Variants in MYO5B observed in about 807,000 individuals in gnomAD.
MYO5B encodes the protein unconventional myosin-Vb.
Under a neutral mutation model 229.3 loss-of-function variants are expected in MYO5B, and 143 were observed. The ratio of observed to expected loss-of-function variants is 0.62; its 90% CI spans 0.54 to 0.72. The LOEUF is 0.72. Among genes scored for constraint, MYO5B ranks in the 30% least tolerant of loss-of-function variants. The probability of loss-of-function intolerance (pLI) is 0.00; values close to 1 mark genes in which losing one functional copy is unlikely to be tolerated. For synonymous variants in MYO5B, 918 were observed against 885.2 expected (o/e 1.04, Z -0.66); for missense variants, 2,321 against 2,331.0 (o/e 1.00, Z 0.09).
At chr18:49,939,625 C>T (rs1195988368) in intron 14 of MYO5B, among the ~76,000 whole-genome samples, 2 of 152,190 alleles carry the variant, frequency 1.3e-5, no homozygotes, top group Non-Finnish European at 2.9e-5. Context: ...CCTGCTCCAA[C>T]CTCTGTTCCC....
intron 16 of MYO5B, among the ~76,000 whole-genome samples, chr18:49,931,544 C>A (rs72928097): frequency 9.8e-4 from 149 of 152,308 alleles, no homozygotes; most frequent in African/African-American, 3.5e-3. Context: ...CCCCTTAGTG[C>A]GAGGGCCTTA....
At chr18:49,877,230 G>T (rs1227720680) in intron 25 of MYO5B, among the ~76,000 whole-genome samples, 1 of 152,170 alleles carries the variant, frequency 6.6e-6, no homozygotes, top group Non-Finnish European at 1.5e-5. Flanking sequence ...AGACCACACA[G>T]TCCACTGTGT....
At chr18:50,093,056 A>T (rs2031480263) in intron 1 of MYO5B, among the ~76,000 whole-genome samples, 1 of 152,154 alleles carries the variant, frequency 6.6e-6, no homozygotes, top group Non-Finnish European at 1.5e-5. Flanking sequence ...AGAAACTATG[A>T]ACAATTTGTA....
chr18:50,047,886 C>T (rs1183829497), intron 2 of MYO5B, among the ~76,000 whole-genome samples: 1 of 131,996 alleles, frequency 7.6e-6, no homozygotes, highest in Non-Finnish European at 1.5e-5. Flanking sequence ...AGGAATTGAA[C>T]AATGAGAACA....
chr18:50,157,059 T>C (rs2032689937), intron 1 of MYO5B, among the ~76,000 whole-genome samples: 1 of 151,768 alleles, frequency 6.6e-6, no homozygotes, highest in African/African-American at 2.4e-5. Context: ...CTCCCCTCTT[T>C]GAAATCAACA....
chr18:50,088,991 T>C (rs1489414197), intron 1 of MYO5B, among the ~76,000 whole-genome samples: 1 of 105,318 alleles, frequency 9.5e-6, no homozygotes, highest in Non-Finnish European at 2.6e-5. Context: ...AAAATGCTCA[T>C]TTTTCCTGGT....
intron 21 of MYO5B, among the ~76,000 whole-genome samples, chr18:49,902,093 C>T (rs771481142): frequency 1.2e-4 from 18 of 152,228 alleles, no homozygotes; most frequent in Non-Finnish European, 2.2e-4. Context: ...CTCAAGATAG[C>T]ATAAATCATT....
intron 1 of MYO5B, among the ~76,000 whole-genome samples, chr18:50,128,981 G>A (rs536499084): frequency 2.6e-5 from 4 of 152,114 alleles, no homozygotes; most frequent in Admixed American, 6.6e-5. Context: ...ACACACCCAG[G>A]GCCTAATTAA....
intron 2 of MYO5B, among the ~76,000 whole-genome samples, chr18:50,047,004 A>C (rs2030247676): frequency 6.6e-6 from 1 of 152,188 alleles, no homozygotes; most frequent in Non-Finnish European, 1.5e-5. Flanking sequence ...AAACCTAGGC[A>C]ATACCATTCA....
At chr18:50,073,268 T>C (rs2031001108) in intron 1 of MYO5B, among the ~76,000 whole-genome samples, 1 of 152,058 alleles carries the variant, frequency 6.6e-6, no homozygotes, top group Admixed American at 6.6e-5. Context: ...TACCAGCAAA[T>C]AATTTATATC....
chr18:49,953,822 T>A (rs979895189), intron 13 of MYO5B, among the ~76,000 whole-genome samples: 1 of 152,142 alleles, frequency 6.6e-6, no homozygotes, highest in African/African-American at 2.4e-5. Context: ...GTACTTTGTT[T>A]ACAGCCCTCC....
intron 4 of MYO5B, among the ~76,000 whole-genome samples, chr18:50,004,818 C>T (rs962419047): frequency 6.6e-6 from 1 of 152,218 alleles, no homozygotes; most frequent in African/African-American, 2.4e-5. Flanking sequence ...CTGTAACAGC[C>T]TACAAAGTGC....
At chr18:50,072,649 C>T (rs879232005) in intron 1 of MYO5B, among the ~76,000 whole-genome samples, 1 of 152,206 alleles carries the variant, frequency 6.6e-6, no homozygotes, top group Non-Finnish European at 1.5e-5. Flanking sequence ...CACTATGGTG[C>T]ATTCTAAGGT....
At chr18:50,157,709 C>T (rs1481456660) in intron 1 of MYO5B, among the ~76,000 whole-genome samples, 3 of 152,154 alleles carry the variant, frequency 2.0e-5, no homozygotes, top group African/African-American at 4.8e-5. Context: ...CTTGCACCAT[C>T]CTGTTCATTT....
intron 22 of MYO5B, 33 bp downstream of exon 22, chr18:49,894,908 T>C: frequency 6.3e-7 from 1 of 1,594,940 alleles, no homozygotes; most frequent in Non-Finnish European, 8.6e-7. Flanking sequence ...CCCACTCTGC[T>C]TGCCAGCGCC....
chr18:50,045,679 C>T (rs1048847238), intron 2 of MYO5B, among the ~76,000 whole-genome samples: 5 of 152,202 alleles, frequency 3.3e-5, no homozygotes, highest in East Asian at 3.8e-4. Context: ...TGAGCCGCCA[C>T]GATCCTGGCC....
intron 17 of MYO5B, among the ~76,000 whole-genome samples, chr18:49,917,901 G>A (rs2025034239): frequency 6.6e-6 from 1 of 152,168 alleles, no homozygotes; most frequent in Non-Finnish European, 1.5e-5. Flanking sequence ...GTCACAACTG[G>A]GTGTATGGGA....
At chr18:50,110,205 T>C (rs2031840528) in intron 1 of MYO5B, among the ~76,000 whole-genome samples, 1 of 149,314 alleles carries the variant, frequency 6.7e-6, no homozygotes, top group Admixed American at 6.6e-5. Context: ...CTTCTCTGCA[T>C]GGCCTCGAAT....
At chr18:49,999,784 G>A (rs1168380239) in intron 5 of MYO5B, among the ~76,000 whole-genome samples, 2 of 152,186 alleles carry the variant, frequency 1.3e-5, no homozygotes, top group Non-Finnish European at 2.9e-5. Flanking sequence ...AATTTGGGGG[G>A]CCCCTCCCAG....
Sources: allele counts gnomAD v4.1 joint callset (sites outside exome capture counted in the v4.1 genomes callset), GRCh38; gene constraint gnomAD v4.1.1; transcripts MANE v1.5; gene names NCBI Gene and HGNC (gene_info 2026-07-23, HGNC 2026-07-21).